The following HNF4G variants were observed in gnomAD, a reference collection of about 807,000 sequenced individuals.
HNF4G encodes the protein hepatocyte nuclear factor 4-gamma.
Under a neutral mutation model 50.9 loss-of-function variants are expected in HNF4G, and 21 were observed. That is an observed-to-expected ratio of 0.41 (90% CI 0.29 to 0.59). The LOEUF (loss-of-function observed/expected upper bound fraction) is 0.59. Among genes scored for constraint, HNF4G ranks in the 20% least tolerant of loss-of-function variants. The pLI, the probability that HNF4G is intolerant of heterozygous loss-of-function variation, is 0.26. For missense variants in HNF4G, 527 were observed against 559.4 expected (o/e 0.94, Z 0.58); for synonymous variants, 198 against 185.6 (o/e 1.07, Z -0.54).
intron 2 of HNF4G, among the ~76,000 whole-genome samples, chr8:75,531,617 G>A (rs1806327368): frequency 6.6e-6 from 1 of 150,800 alleles, no homozygotes; most frequent in Admixed American, 6.6e-5. Context: ...TCATATCTAT[G>A]GGTTTCATAA....
intron 9 of HNF4G, among the ~76,000 whole-genome samples, 155 bp downstream of exon 9, chr8:75,560,621 T>C (rs1307623897): frequency 1.3e-5 from 2 of 152,196 alleles, no homozygotes; most frequent in African/African-American, 2.4e-5. Flanking sequence ...ATTCAGCTTG[T>C]CACTTATTCT....
At chr8:75,556,118 T>C in intron 6 of HNF4G, 49 bp downstream of exon 6, 1 of 1,033,312 alleles carries the variant, frequency 9.7e-7, no homozygotes, top group Non-Finnish European at 1.5e-6. Flanking sequence ...TATTTTATTC[T>C]TGCAATATTA....
chr8:75,552,969 G>A, intron 4 of HNF4G, 73 bp from the exon 5 acceptor site: 1 of 1,096,896 alleles, frequency 9.1e-7, no homozygotes, highest in East Asian at 2.6e-5. Context: ...ACTTATCATA[G>A]TCAAAAGAAA....
chr8:75,428,925 A>G (rs990635213), intron 1 of HNF4G, among the ~76,000 whole-genome samples: 2 of 152,194 alleles, frequency 1.3e-5, no homozygotes, highest in African/African-American at 4.8e-5. Context: ...AAAAGTAGAT[A>G]CGGGAAGACC....
At chr8:75,421,413 G>GT (rs1278853194) in intron 1 of HNF4G, among the ~76,000 whole-genome samples, 1 of 152,092 alleles carries the variant, frequency 6.6e-6, no homozygotes, top group Admixed American at 6.6e-5. Flanking sequence ...CTTTGAATTG[G>GT]TTTTTTAGAT....
intron 1 of HNF4G, among the ~76,000 whole-genome samples, chr8:75,478,207 G>C (rs1440530048): frequency 1.3e-5 from 2 of 152,188 alleles, no homozygotes; most frequent in Admixed American, 6.5e-5. Context: ...CCAGCTCCTT[G>C]GTAGGTTGAG....
chr8:75,453,388 G>C (rs1161739648), intron 1 of HNF4G, among the ~76,000 whole-genome samples: 1 of 152,190 alleles, frequency 6.6e-6, no homozygotes, highest in African/African-American at 2.4e-5. Flanking sequence ...ACACCAATCA[G>C]TGCTCTGTAG....
intron 1 of HNF4G, among the ~76,000 whole-genome samples, chr8:75,476,419 G>A (rs933336892): frequency 6.6e-6 from 1 of 152,132 alleles, no homozygotes; most frequent in Non-Finnish European, 1.5e-5. Flanking sequence ...CACCAATAGG[G>A]TATAAGCATT....
At chr8:75,500,335 C>T (rs895590904) in intron 2 of HNF4G, among the ~76,000 whole-genome samples, 6 of 152,092 alleles carry the variant, frequency 3.9e-5, no homozygotes, top group African/African-American at 1.4e-4. Flanking sequence ...TTTACATCCC[C>T]CACAATGGCT....
intron 1 of HNF4G, among the ~76,000 whole-genome samples, chr8:75,483,315 T>C (rs1183229598): frequency 1.3e-5 from 2 of 152,182 alleles, no homozygotes; most frequent in African/African-American, 4.8e-5. Flanking sequence ...CTCTTTTCAA[T>C]GCAAATGTAA....
At chr8:75,548,549 T>G (rs1278978666) in intron 3 of HNF4G, among the ~76,000 whole-genome samples, 1 of 152,160 alleles carries the variant, frequency 6.6e-6, no homozygotes, top group Non-Finnish European at 1.5e-5. Flanking sequence ...GTGTACTAAT[T>G]TCATCTTGAA....
At chr8:75,549,722 T>C (rs1806891189) in intron 3 of HNF4G, among the ~76,000 whole-genome samples, 1 of 152,066 alleles carries the variant, frequency 6.6e-6, no homozygotes, top group Non-Finnish European at 1.5e-5. Context: ...ACTCATCATT[T>C]AGCATTAGGT....
chr8:75,527,407 G>A (rs2130759025), intron 2 of HNF4G, among the ~76,000 whole-genome samples: 1 of 152,258 alleles, frequency 6.6e-6, no homozygotes. Context: ...GTAAAGGCTC[G>A]CAGGAGCATA....
intron 1 of HNF4G, among the ~76,000 whole-genome samples, chr8:75,477,259 A>G (rs1812261998): frequency 6.6e-6 from 1 of 152,224 alleles, no homozygotes. Context: ...AGAGCCTACC[A>G]TTAAATTTTC....
chr8:75,497,625 A>C (rs945576020), intron 2 of HNF4G, among the ~76,000 whole-genome samples: 5 of 151,978 alleles, frequency 3.3e-5, no homozygotes, highest in African/African-American at 1.2e-4. Context: ...CGGAGGTTGC[A>C]GTGAGCCAAA....
rs1468662863 is a variant in HNF4G at position 75,564,933 on chromosome 8, A to C, written c.*837A>C. On this transcript the variant is annotated 3_prime_UTR_variant, in exon 10 of 10. Transcript: ENST00000396423. ...CACGGTAGCCAGGAGAATTATCTAT[A>C]GGTGGAAAGTCTGTGTCAGCCAAAG... The C allele has an allele frequency of 6.6e-6, 1 of 152,206 alleles. No individual in the cohort carries two copies. 9.4% of individuals were successfully genotyped at this position (152,206 alleles called of 1,614,324 possible).
chr8:75,442,639 T>C (rs1811314871), intron 1 of HNF4G, among the ~76,000 whole-genome samples: 1 of 152,110 alleles, frequency 6.6e-6, no homozygotes, highest in South Asian at 2.1e-4. Context: ...GATGGGAAGA[T>C]AAATAATCAC....
At chr8:75,502,306 C>T (rs1812951089) in intron 2 of HNF4G, among the ~76,000 whole-genome samples, 1 of 152,096 alleles carries the variant, frequency 6.6e-6, no homozygotes, top group African/African-American at 2.4e-5. Context: ...CATGTTTTCC[C>T]TAATCCTCAT....
At chr8:75,534,357 T>C (rs1806404758) in intron 2 of HNF4G, among the ~76,000 whole-genome samples, 1 of 151,902 alleles carries the variant, frequency 6.6e-6, no homozygotes, top group East Asian at 1.9e-4. Context: ...CTGCTTTGAA[T>C]CATAAGGCAG....
Sources: allele counts gnomAD v4.1 joint callset (sites outside exome capture counted in the v4.1 genomes callset), GRCh38; gene constraint gnomAD v4.1.1; transcripts MANE v1.5; gene names NCBI Gene and HGNC (gene_info 2026-07-23, HGNC 2026-07-21).